ANKRD13C: variants seen among roughly 807,000 people sequenced by gnomAD.
ANKRD13C encodes the protein ankyrin repeat domain-containing protein 13C.
ANKRD13C carries 16 observed loss-of-function variants against 65.5 expected under a neutral mutation model. The ratio of observed to expected loss-of-function variants is 0.24; its 90% CI spans 0.17 to 0.37. The LOEUF is 0.37. Among genes scored for constraint, ANKRD13C ranks in the 10% least tolerant of loss-of-function variants. The probability of loss-of-function intolerance (pLI) is 1.00; values close to 1 mark genes in which losing one functional copy is unlikely to be tolerated. For missense variants in ANKRD13C, 503 were observed against 655.9 expected (o/e 0.77, Z 2.55); for synonymous variants, 235 against 238.7 (o/e 0.98, Z 0.14).
At chr1:70,335,683 T>G (rs1681992661) in intron 2 of ANKRD13C, among the ~76,000 whole-genome samples, 1 of 149,768 alleles carries the variant, frequency 6.7e-6, no homozygotes, top group Admixed American at 6.7e-5. Context: ...GCTCAACTTA[T>G]GACTTTATAT....
intron 5 of ANKRD13C, among the ~76,000 whole-genome samples, chr1:70,310,535 C>T (rs1572107419): frequency 6.6e-6 from 1 of 152,082 alleles, no homozygotes; most frequent in East Asian, 1.9e-4. Flanking sequence ...ACAACTGTCT[C>T]AGTGGTTACT....
At chr1:70,280,911 A>G (rs1679358179) in intron 9 of ANKRD13C, among the ~76,000 whole-genome samples, 1 of 152,176 alleles carries the variant, frequency 6.6e-6, no homozygotes, top group Non-Finnish European at 1.5e-5. Context: ...ATGGAAGGAC[A>G]GAAAATAGAC....
rs1679231291 is a variant in ANKRD13C, at chr1:70,278,318, C to A, written c.1216-1474G>T. Reference sequence around the variant, plus strand: ...GACCAGCCTGGCCTATATGGTGAAACCCCATCTCTACTAAAAATACAAAAA... The same window carrying A: ...GACCAGCCTGGCCTATATGGTGAAAACCCATCTCTACTAAAAATACAAAAA... On this transcript the variant is annotated intron_variant, in intron 9 of 12. Transcript: ENST00000370944. 2.0e-5 allele frequency among the ~76,000 whole-genome samples: 3 copies of A among 151,610 alleles called. No homozygotes were observed. The South Asian group carries it at 6.3e-4, about 32-fold the overall frequency.
intron 5 of ANKRD13C, among the ~76,000 whole-genome samples, chr1:70,310,413 C>A (rs1227400175): frequency 6.6e-6 from 1 of 152,140 alleles, no homozygotes; most frequent in African/African-American, 2.4e-5. Flanking sequence ...GACATCTAAT[C>A]ATCACGTATT....
intron 3 of ANKRD13C, among the ~76,000 whole-genome samples, chr1:70,321,795 A>G (rs1681319711): frequency 6.6e-6 from 1 of 152,240 alleles, no homozygotes; most frequent in African/African-American, 2.4e-5. Context: ...TAGTGAAATG[A>G]TTCTAAACAG....
intron 1 of ANKRD13C, among the ~76,000 whole-genome samples, chr1:70,348,790 A>C (rs1423740987): frequency 6.6e-6 from 1 of 152,260 alleles, no homozygotes; most frequent in Admixed American, 6.5e-5. Context: ...AAAATATTAC[A>C]AGTAAATATG....
chr1:70,330,574 CA>C (rs71071394), intron 2 of ANKRD13C, among the ~76,000 whole-genome samples: 10,986 of 68,498 alleles, frequency 0.16, 417 homozygotes, highest in East Asian at 0.35. Context: ...ACAAACAAAC[CA>C]AAAAAAAAAA....
chr1:70,281,393 A>ATTT (rs1243287119), intron 9 of ANKRD13C, among the ~76,000 whole-genome samples: 1 of 139,908 alleles, frequency 7.1e-6, no homozygotes, highest in African/African-American at 2.8e-5. Flanking sequence ...ATGTGACTAA[A>ATTT]TTCTTTTTTT....
At chr1:70,313,473 T>TAAGCTATG (rs1680933932) in intron 5 of ANKRD13C, among the ~76,000 whole-genome samples, 1 of 148,302 alleles carries the variant, frequency 6.7e-6, no homozygotes, top group Admixed American at 6.8e-5. Flanking sequence ...GAGGCTGTAG[T>TAAGCTATG]AAGCTATGAT....
intron 1 of ANKRD13C, among the ~76,000 whole-genome samples, chr1:70,339,469 C>T (rs1458380484): frequency 6.6e-6 from 1 of 151,594 alleles, no homozygotes; most frequent in African/African-American, 2.4e-5. Flanking sequence ...CAGGTGCCCA[C>T]CAACATACCC....
At chr1:70,337,556 G>A (rs181081791) in intron 1 of ANKRD13C, among the ~76,000 whole-genome samples, 4 of 152,098 alleles carry the variant, frequency 2.6e-5, no homozygotes, top group African/African-American at 9.6e-5. Flanking sequence ...ACTGCAGCCT[G>A]GGCGACAAGA....
chr1:70,308,738 C>CAA (rs781171233), intron 5 of ANKRD13C, among the ~76,000 whole-genome samples: 12,010 of 73,862 alleles, frequency 0.16, 821 homozygotes, highest in East Asian at 0.4. Context: ...GACTCCGTCT[C>CAA]AAAAAAAAAA....
chr1:70,335,405 CAAA>C (rs369800668), intron 2 of ANKRD13C, among the ~76,000 whole-genome samples: 5 of 105,074 alleles, frequency 4.8e-5, no homozygotes, highest in African/African-American at 1.1e-4. Flanking sequence ...GACTCTGCCT[CAAA>C]AAAAAAAAAA....
At chr1:70,294,484 C>A (rs534705519) in intron 8 of ANKRD13C, among the ~76,000 whole-genome samples, 2 of 152,198 alleles carry the variant, frequency 1.3e-5, no homozygotes, top group East Asian at 3.9e-4. Flanking sequence ...GCTAATTACC[C>A]TACATAATGT....
intron 1 of ANKRD13C, among the ~76,000 whole-genome samples, chr1:70,353,472 T>C (rs1176320367): frequency 2.6e-5 from 4 of 152,272 alleles, no homozygotes; most frequent in East Asian, 3.9e-4. Context: ...AAATCTAACA[T>C]TCTAAGTTTA....
At chr1:70,295,411 G>A (rs572384435) in intron 8 of ANKRD13C, among the ~76,000 whole-genome samples, 1 of 151,704 alleles carries the variant, frequency 6.6e-6, no homozygotes, top group Non-Finnish European at 1.5e-5. Context: ...CCACGCCCGG[G>A]TAATTTTTGT....
chr1:70,315,447 C>T, intron 4 of ANKRD13C, 34 bp downstream of exon 4: 1 of 1,546,670 alleles, frequency 6.5e-7, no homozygotes, highest in Admixed American at 1.8e-5. Context: ...TAATTACTTC[C>T]AAGGTGCAAA....
intron 5 of ANKRD13C, among the ~76,000 whole-genome samples, chr1:70,309,485 G>C (rs1019090122): frequency 6.6e-6 from 1 of 150,454 alleles, no homozygotes; most frequent in African/African-American, 2.4e-5. Context: ...TTGGGAGGCC[G>C]AGGCGGGTGG....
rs576461818 is a variant in ANKRD13C at position 70,342,618 on chromosome 1, T to C, written c.431-6519A>G. Among the ~76,000 whole-genome samples the C allele has an allele frequency of 2.0e-4, 30 of 151,676 alleles. 1 individual carries two copies. Among genetic ancestry groups the C allele is most frequent in the Middle Eastern group, 3.5e-3 (1 of 282 alleles). On this transcript the variant is annotated intron_variant, in intron 1 of 12. Coordinates refer to ENST00000370944, the MANE Select transcript of ANKRD13C (RefSeq NM_030816.5). Reference sequence around the variant, plus strand: ...TGAATATCCCTTTTTGTATCAATAGTGGAAGAGGTAGCAATAGTGGAAGAG... The same window carrying C: ...TGAATATCCCTTTTTGTATCAATAGCGGAAGAGGTAGCAATAGTGGAAGAG...
Sources: allele counts gnomAD v4.1 joint callset (sites outside exome capture counted in the v4.1 genomes callset), GRCh38; gene constraint gnomAD v4.1.1; transcripts MANE v1.5; gene names NCBI Gene and HGNC (gene_info 2026-07-23, HGNC 2026-07-21).